CDH18: variants seen among roughly 807,000 people sequenced by gnomAD.
The protein encoded by CDH18 is cadherin 18, also known as cadherin-18.
A neutral mutation model predicts 67.9 loss-of-function variants in CDH18; 31 were observed. The ratio of observed to expected loss-of-function variants is 0.46; its 90% CI spans 0.34 to 0.62. The LOEUF (loss-of-function observed/expected upper bound fraction) is 0.62, where lower values mean the gene tolerates loss of function less well. Ranked by LOEUF, CDH18 falls within the 20% of genes least tolerant of loss-of-function variation. The probability of loss-of-function intolerance (pLI) is 0.01; values close to 1 mark genes in which losing one functional copy is unlikely to be tolerated. For synonymous variants in CDH18, 362 were observed against 347.2 expected (o/e 1.04, Z -0.48); for missense variants, 890 against 975.5 (o/e 0.91, Z 1.17).
chr5:20,094,700 T>C (rs1013126289), intron 2 of CDH18, among the ~76,000 whole-genome samples: 3 of 152,164 alleles, frequency 2.0e-5, no homozygotes, highest in Non-Finnish European at 2.9e-5. Context: ...GTTATATTCC[T>C]AGGTATTTTA....
intron 10 of CDH18, among the ~76,000 whole-genome samples, chr5:19,510,893 C>G (rs549369007): frequency 6.6e-6 from 1 of 151,766 alleles, no homozygotes; most frequent in East Asian, 1.9e-4. Context: ...CTCACTACAA[C>G]TTACGCCTCC....
At chr5:20,549,772 G>A (rs1038347438) in intron 1 of CDH18, among the ~76,000 whole-genome samples, 5 of 152,174 alleles carry the variant, frequency 3.3e-5, no homozygotes, top group Admixed American at 1.3e-4. Context: ...CAAGGCAGTA[G>A]AGTGGGGATA....
intron 3 of CDH18, among the ~76,000 whole-genome samples, chr5:19,812,330 A>G (rs889705609): frequency 2.0e-5 from 3 of 152,162 alleles, no homozygotes; most frequent in Admixed American, 2.0e-4. Flanking sequence ...CATTAATACT[A>G]ATAACAATAA....
At chr5:20,292,100 A>T (rs1477263366) in intron 1 of CDH18, among the ~76,000 whole-genome samples, 2 of 152,182 alleles carry the variant, frequency 1.3e-5, no homozygotes, top group African/African-American at 4.8e-5. Context: ...CAAAGGTAAG[A>T]ATTTGGATGC....
At chr5:19,940,738 A>G (rs1453383299) in intron 2 of CDH18, among the ~76,000 whole-genome samples, 1 of 152,048 alleles carries the variant, frequency 6.6e-6, no homozygotes, top group East Asian at 1.9e-4. Context: ...ACCCCGATTA[A>G]GATAGAGCCC....
chr5:20,004,286 A>T (rs1476050611), intron 2 of CDH18, among the ~76,000 whole-genome samples: 1 of 152,216 alleles, frequency 6.6e-6, no homozygotes, highest in Non-Finnish European at 1.5e-5. Context: ...TTTTCTGCAC[A>T]GCAAAGAGTA....
intron 3 of CDH18, among the ~76,000 whole-genome samples, chr5:19,787,809 T>TTATATATATATATATATATATATATATA (rs35850823): frequency 1.7e-4 from 25 of 144,380 alleles, no homozygotes; most frequent in African/African-American, 3.6e-4. Context: ...TAATTTACAG[T>TTATATATATATATATATATATATATATA]TATATATATA....
chr5:19,641,961 A>C (rs536206564), intron 5 of CDH18, among the ~76,000 whole-genome samples: 8 of 152,120 alleles, frequency 5.3e-5, no homozygotes, highest in Non-Finnish European at 7.4e-5. Context: ...ACAACAACAA[A>C]AAAACCTGTT....
At chr5:20,417,144 C>T (rs1205308220) in intron 1 of CDH18, among the ~76,000 whole-genome samples, 1 of 151,986 alleles carries the variant, frequency 6.6e-6, no homozygotes, top group African/African-American at 2.4e-5. Context: ...ATTAATGAAT[C>T]ATTTTTGTTA....
intron 3 of CDH18, among the ~76,000 whole-genome samples, chr5:19,760,361 T>C (rs775336049): frequency 2.6e-5 from 4 of 152,046 alleles, no homozygotes; most frequent in Non-Finnish European, 5.9e-5. Flanking sequence ...AGGTCTAAAG[T>C]GACTAATCCA....
At chr5:19,866,586 G>A (rs570446327) in intron 2 of CDH18, among the ~76,000 whole-genome samples, 9 of 152,138 alleles carry the variant, frequency 5.9e-5, no homozygotes, top group Admixed American at 2.6e-4. Flanking sequence ...AAAGTGCCAG[G>A]GAAAGGTGCA....
chr5:19,752,663 T>G (rs1241604922), intron 3 of CDH18, among the ~76,000 whole-genome samples: 3 of 152,050 alleles, frequency 2.0e-5, no homozygotes, highest in Non-Finnish European at 4.4e-5. Flanking sequence ...TGGGTTCCTC[T>G]CCATACTAAC....
intron 1 of CDH18, among the ~76,000 whole-genome samples, chr5:20,368,869 G>A (rs1388743955): frequency 6.6e-6 from 1 of 152,056 alleles, no homozygotes. Context: ...CAAGCAATAG[G>A]TAGAGCCTCA....
At chr5:20,511,322 CAGACAGAT>C (rs1755019474) in intron 1 of CDH18, among the ~76,000 whole-genome samples, 1 of 152,072 alleles carries the variant, frequency 6.6e-6, no homozygotes, top group Non-Finnish European at 1.5e-5. Context: ...GACAAATATA[CAGACAGAT>C]AGCTCACAGA....
In CDH18 at chr5:19,894,405, T is replaced by C. The variant is rs185269134; in HGVS notation, c.-256-55163A>G. 3.0e-3 allele frequency among the ~76,000 whole-genome samples: 453 copies of C among 152,084 alleles called. 1 individual carries two copies. Among genetic ancestry groups the C allele is most frequent in the Non-Finnish European group, 4.9e-3 (332 of 67,948 alleles). ...ACTGAGTATTCTAATACATACTTAA[T>C]ATGAGAAATAGACATAGTAAACAAA... On this transcript the variant is annotated intron_variant, in intron 2 of 12. Coordinates refer to ENST00000382275, the MANE Select transcript of CDH18 (RefSeq NM_004934.5).
At chr5:19,814,352 T>C (rs1779066728) in intron 3 of CDH18, among the ~76,000 whole-genome samples, 1 of 150,652 alleles carries the variant, frequency 6.6e-6, no homozygotes, top group East Asian at 1.9e-4. Context: ...GCATGAATTA[T>C]GTCCTAAAAA....
Position 19,982,827 on chromosome 5 carries a change from G to A in CDH18, c.-375-1649C>T, listed in dbSNP as rs149273011. On this transcript the variant is annotated intron_variant, in intron 1 of 12. Transcript: ENST00000382275. ...TGGGAGGCCAAGGCGTGTGGATCAC[G>A]AGGTCAGGAGATTATGACCATCCTG... Among the ~76,000 whole-genome samples, 239 of 151,994 alleles carry A rather than the reference G, an allele frequency of 1.6e-3. 2 individuals are homozygous for A. The highest frequency in any genetic ancestry group is 5.4e-3 in the African/African-American group (223 of 41,456).
upstream of CDH18, among the ~76,000 whole-genome samples, chr5:19,991,360 G>A (rs1448144229): frequency 6.6e-6 from 1 of 151,896 alleles, no homozygotes; most frequent in Non-Finnish European, 1.5e-5. Context: ...ATATATTTAA[G>A]GTATACAACT....
intron 5 of CDH18, among the ~76,000 whole-genome samples, chr5:19,622,529 G>A (rs1334759583): frequency 6.6e-6 from 1 of 152,186 alleles, no homozygotes; most frequent in Non-Finnish European, 1.5e-5. Context: ...GTGCTGGCCT[G>A]TGACTGCTTT....
Sources: allele counts gnomAD v4.1 joint callset (sites outside exome capture counted in the v4.1 genomes callset), GRCh38; gene constraint gnomAD v4.1.1; transcripts MANE v1.5; gene names NCBI Gene and HGNC (gene_info 2026-07-23, HGNC 2026-07-21).